The following OTOG variants were observed in gnomAD, a reference collection of about 807,000 sequenced individuals.
OTOG encodes otogelin.
A neutral mutation model predicts 313.8 loss-of-function variants in OTOG; 296 were observed. The ratio of observed to expected loss-of-function variants is 0.94; its 90% CI spans 0.86 to 1.04. The LOEUF (loss-of-function observed/expected upper bound fraction) is 1.04. Ranked by LOEUF, OTOG falls within the 50% of genes least tolerant of loss-of-function variation. The pLI, the probability that OTOG is intolerant of heterozygous loss-of-function variation, is 0.00. For missense variants in OTOG, 3,948 were observed against 3,840.1 expected, an observed-to-expected ratio of 1.03 and a Z score of -0.74; for synonymous variants, 1,533 against 1,554.9, an observed-to-expected ratio of 0.99 and a Z score of 0.33.
intron 39 of OTOG, among the ~76,000 whole-genome samples, chr11:17,628,879 C>T (rs562636337): frequency 6.6e-6 from 1 of 152,344 alleles, no homozygotes; most frequent in Admixed American, 6.5e-5. Context: ...TGCAGCTTGC[C>T]TCCTGTTGTT....
chr11:17,623,025 TA>T (rs1247858157), intron 39 of OTOG, among the ~76,000 whole-genome samples: 2 of 152,230 alleles, frequency 1.3e-5, no homozygotes, highest in Non-Finnish European at 2.9e-5. Context: ...GTCTTTTGGA[TA>T]AAAGCCATTT....
At chr11:17,612,132 T>C (rs1328818165) in intron 36 of OTOG, 30 bp from the exon 37 acceptor site, 3 of 1,547,924 alleles carry the variant, frequency 1.9e-6, no homozygotes, top group African/African-American at 2.7e-5. Context: ...TCCTTGATGG[T>C]CACTCACACT....
rs761544339 is a variant in OTOG, at chr11:17,574,708, C to T, written c.2294-12C>T. 3.2e-6 allele frequency: 5 copies of T among 1,547,922 alleles called. No individual in the cohort carries two copies. The highest frequency in any genetic ancestry group is 2.5e-5 in the East Asian group (1 of 40,742). On this transcript the variant is annotated splice_polypyrimidine_tract_variant and intron_variant, in intron 19 of 55. Coordinates refer to ENST00000399397, the MANE Select transcript of OTOG (RefSeq NM_001292063.2). Reference sequence around the variant, plus strand: ...GGGAGACAAAGCATGCACCACTCCCCCCTCACTGCAGCACTGTCCTGTGAG... The same window carrying T: ...GGGAGACAAAGCATGCACCACTCCCTCCTCACTGCAGCACTGTCCTGTGAG...
At chr11:17,570,647 G>T in intron 17 of OTOG, 2 of 355,142 alleles carry the variant, frequency 5.6e-6, no homozygotes, top group Non-Finnish European at 1.0e-5. Flanking sequence ...ATTTAGGGTG[G>T]ACTCAGGAAT....
intron 36 of OTOG, 99 bp downstream of exon 36, chr11:17,611,522 C>A: frequency 8.3e-7 from 1 of 1,198,426 alleles, no homozygotes; most frequent in Non-Finnish European, 1.1e-6. Context: ...ATCCTCATAC[C>A]TGCCCCATGC....
intron 29 of OTOG, 85 bp downstream of exon 29, chr11:17,596,239 C>G: frequency 2.1e-6 from 2 of 972,220 alleles, no homozygotes; most frequent in Non-Finnish European, 3.2e-6. Flanking sequence ...CCCCATGTCT[C>G]AGAGGAGACA....
At chr11:17,589,788 C>T (rs1265588533) in intron 24 of OTOG, among the ~76,000 whole-genome samples, 11 of 152,156 alleles carry the variant, frequency 7.2e-5, no homozygotes, top group Admixed American at 5.2e-4. Context: ...GAAACTATTC[C>T]TACTAAGGTC....
chr11:17,558,745 T>C, intron 10 of OTOG, 101 bp downstream of exon 10: 4 of 1,221,968 alleles, frequency 3.3e-6, no homozygotes, highest in Non-Finnish European at 4.6e-6. Context: ...CTGCCAGATC[T>C]GCTTCCCAAG....
At chr11:17,613,505 G>T (rs965757873) in intron 38 of OTOG, 107 bp from the exon 39 acceptor site, 41 of 915,962 alleles carry the variant, frequency 4.5e-5, no homozygotes, top group Middle Eastern at 2.2e-4. Context: ...CTGGCATAGT[G>T]CAGGGGGTAG....
At position 17,610,947 on chromosome 11, in the gene OTOG, C is replaced by G; in HGVS notation, c.5647C>G (p.Pro1883Ala). Residue 1883 changes from proline (P) to alanine (A), a missense_variant, in exon 36 of 56, where the codon CCA (proline) becomes GCA (alanine). Physicochemically the swap from Pro to Ala is conservative, Grantham distance 27. Transcript: ENST00000399397. ...AGGCCTGCTGCTGGGAGCCACATTG[C>G]CAACCTCTGGAGTCCTGCCTGTGGC... ...APGLLLGATL[P>A]TSGVLPVAEG... 1 of 1,550,490 alleles carries G rather than the reference C, an allele frequency of 6.4e-7. No individual in the cohort carries two copies. The highest frequency in any genetic ancestry group is 1.2e-5 in the South Asian group (1 of 84,056).
intron 7 of OTOG, among the ~76,000 whole-genome samples, chr11:17,556,820 A>G (rs1217344682): frequency 6.6e-6 from 1 of 152,080 alleles, no homozygotes; most frequent in African/African-American, 2.4e-5. Context: ...CCTGCTCCCC[A>G]CCAAAAAAAT....
intron 15 of OTOG, among the ~76,000 whole-genome samples, chr11:17,565,497 C>T (rs1852277663): frequency 1.3e-5 from 2 of 152,128 alleles, no homozygotes; most frequent in African/African-American, 4.8e-5. Context: ...ACTCCTTTTT[C>T]CCCCTTTCCA....
chr11:17,594,086 A>G lies in OTOG; in HGVS notation c.3328A>G (p.Thr1110Ala). Residue 1110 changes from threonine (T) to alanine (A), a missense_variant, in exon 28 of 56, where the codon ACC becomes GCC. Physicochemically the swap from Thr to Ala is moderately conservative, Grantham distance 58 (BLOSUM62 0). Coordinates refer to ENST00000399397, the MANE Select transcript of OTOG (RefSeq NM_001292063.2). ...AGLCGNFDLK[T>A]INEMRTPENL... Reference sequence around the variant, plus strand: ...CCTCTGTGGGAACTTTGACTTAAAAACCATCAATGAGATGAGGACCCCGGA... The same window carrying G: ...CCTCTGTGGGAACTTTGACTTAAAAGCCATCAATGAGATGAGGACCCCGGA... The G allele has an allele frequency of 1.3e-6, 2 of 1,550,450 alleles. No individual in the cohort carries two copies. Among genetic ancestry groups the G allele is most frequent in the Non-Finnish European group, 1.7e-6 (2 of 1,146,982 alleles).
At chr11:17,624,370 T>C (rs1311335221) in intron 39 of OTOG, among the ~76,000 whole-genome samples, 3 of 152,258 alleles carry the variant, frequency 2.0e-5, no homozygotes, top group African/African-American at 7.2e-5. Context: ...CTTCTGCATA[T>C]GGCTAGCCAT....
chr11:17,613,195 TTTTCTTTCTTTC>T (rs1191747829), intron 38 of OTOG, among the ~76,000 whole-genome samples: 1,254 of 65,268 alleles, frequency 0.019, 9 homozygotes, highest in Middle Eastern at 0.021. Context: ...TCTTTCTTTC[TTTTCTTTCTTTC>T]TTTCTTTCTT....
rs750971564 is a variant in OTOG, at chr11:17,553,136, A to G, written c.310A>G (p.Asn104Asp). The G allele has an allele frequency of 3.7e-5, 58 of 1,550,370 alleles. No homozygotes were observed. In the African/African-American group the frequency reaches 6.7e-4, roughly 18 times the overall value. ...CAPSYLFSCF[N>D]GGECVHPAFC... ...CCATGCAGACTTGTTCTCCTGCTTC[A>G]ATGGAGGCGAGTGTGTGCACCCAGC... Residue 104 changes from asparagine (N) to aspartate (D), a missense_variant, in exon 5 of 56, where the codon AAT (asparagine) becomes GAT (aspartate). By Grantham distance (23) the Asn-to-Asp change is conservative. Transcript: ENST00000399397.
rs533142199 is a variant in OTOG, at chr11:17,570,963, G to A, written c.1955+573G>A. On this transcript the variant is annotated intron_variant, in intron 17 of 55. Coordinates refer to ENST00000399397, the MANE Select transcript of OTOG (RefSeq NM_001292063.2). ...GTGAGCCTCCCCATATTCAGGGAAAGGCTGTTTTCTGTGAGCTGACATATT... is the reference window on the plus strand; with the variant it reads ...GTGAGCCTCCCCATATTCAGGGAAAAGCTGTTTTCTGTGAGCTGACATATT... Among the ~76,000 whole-genome samples the A allele has an allele frequency of 2.0e-5, 3 of 152,264 alleles. No homozygotes were observed. The East Asian group carries it at 5.8e-4, about 29-fold the overall frequency.
chr11:17,631,300 G>T (rs898424065), intron 40 of OTOG, among the ~76,000 whole-genome samples: 3 of 150,500 alleles, frequency 2.0e-5, no homozygotes, highest in African/African-American at 4.9e-5. Flanking sequence ...AACTTGCAAA[G>T]ACAGTATAAA....
rs1008986333 is a variant in OTOG at position 17,557,106 on chromosome 11, T to C, written c.660-12T>C. ...TTGTGGATACCCTGAAGCTCTGGGA[T>C]GTGCCCTGCAGGGTCCAACTGCCAC... is the stretch of plus-strand genomic sequence containing the variant. On this transcript the variant is annotated splice_polypyrimidine_tract_variant and intron_variant, in intron 7 of 55. Coordinates refer to ENST00000399397, the MANE Select transcript of OTOG (RefSeq NM_001292063.2). 1 of 1,548,344 alleles carries C rather than the reference T, an allele frequency of 6.5e-7. No individual in the cohort carries two copies. Among genetic ancestry groups the C allele is most frequent in the Non-Finnish European group, 8.7e-7 (1 of 1,146,870 alleles).
Sources: allele counts gnomAD v4.1 joint callset (sites outside exome capture counted in the v4.1 genomes callset), GRCh38; gene constraint gnomAD v4.1.1; transcripts MANE v1.5; gene names NCBI Gene and HGNC (gene_info 2026-07-23, HGNC 2026-07-21).